The following CTNNBL1 variants were observed in gnomAD, a reference collection of about 807,000 sequenced individuals.
The protein encoded by CTNNBL1 is beta-catenin-like protein 1.
Under a neutral mutation model 72.7 loss-of-function variants are expected in CTNNBL1, and 31 were observed. That is an observed-to-expected ratio of 0.43 (90% CI 0.32 to 0.58). CTNNBL1 has a LOEUF of 0.58. CTNNBL1 is among the 20% of genes least tolerant of loss of function. The pLI is 0.08. For synonymous variants in CTNNBL1, 240 were observed against 267.3 expected (o/e 0.90, Z 1.00); for missense variants, 534 against 725.1 (o/e 0.74, Z 3.03).
At chr20:37,763,157 A>G (rs2122656979) in intron 5 of CTNNBL1, among the ~76,000 whole-genome samples, 1 of 152,334 alleles carries the variant, frequency 6.6e-6, no homozygotes, top group Non-Finnish European at 1.5e-5. Context: ...GGGAGATTAT[A>G]AGTCAATCAG....
At chr20:37,782,015 T>C (rs952160498) in intron 10 of CTNNBL1, among the ~76,000 whole-genome samples, 1 of 152,194 alleles carries the variant, frequency 6.6e-6, no homozygotes, top group East Asian at 1.9e-4. Context: ...GTTTTTCATC[T>C]GAAAACCGGC....
intron 4 of CTNNBL1, among the ~76,000 whole-genome samples, chr20:37,754,427 TC>T (rs2073346529): frequency 6.6e-6 from 1 of 151,974 alleles, no homozygotes; most frequent in Admixed American, 6.6e-5. Flanking sequence ...AGCCCAGTTG[TC>T]CTGTAGACAT....
At chr20:37,726,582 C>G (rs144594065) in intron 1 of CTNNBL1, among the ~76,000 whole-genome samples, 428 of 152,256 alleles carry the variant, frequency 2.8e-3, no homozygotes, top group Non-Finnish European at 4.5e-3. Context: ...TGTTTGATAT[C>G]TAGGAAACAG....
At chr20:37,838,820 G>A (rs147932222) in intron 11 of CTNNBL1, among the ~76,000 whole-genome samples, 120 of 152,302 alleles carry the variant, frequency 7.9e-4, no homozygotes, top group African/African-American at 2.8e-3. Flanking sequence ...CTTAGAGGTT[G>A]AGGCTGCAGT....
At position 37,723,101 on chromosome 20, in the gene CTNNBL1, C is replaced by T. The variant is rs73906131; in HGVS notation, c.31-9778C>T. On this transcript the variant is annotated intron_variant, in intron 1 of 15. Coordinates refer to ENST00000361383, the MANE Select transcript of CTNNBL1 (RefSeq NM_030877.5). ...GATGTAGCTGTAGAATCAATCAGAGCAGATGTCAAAGTAAACCATGGACAT... is the reference window on the plus strand; with the variant it reads ...GATGTAGCTGTAGAATCAATCAGAGTAGATGTCAAAGTAAACCATGGACAT... Among the ~76,000 whole-genome samples the T allele has an allele frequency of 8.3e-3, 1,261 of 152,258 alleles. 12 individuals are homozygous for T. Among genetic ancestry groups the T allele is most frequent in the African/African-American group, 0.029 (1,218 of 41,544 alleles).
intron 1 of CTNNBL1, 92 bp downstream of exon 1, chr20:37,694,244 C>A: frequency 8.5e-7 from 1 of 1,180,108 alleles, no homozygotes; most frequent in South Asian, 1.7e-5. Flanking sequence ...CCTCTCGCCT[C>A]ACTCCCGGGC....
At chr20:37,817,457 T>C (rs1169040672) in intron 11 of CTNNBL1, among the ~76,000 whole-genome samples, 1 of 152,242 alleles carries the variant, frequency 6.6e-6, no homozygotes, top group Non-Finnish European at 1.5e-5. Context: ...TAGATGTGTT[T>C]TTCTAAGCTA....
intron 7 of CTNNBL1, among the ~76,000 whole-genome samples, chr20:37,770,084 T>C (rs887004046): frequency 2.0e-5 from 3 of 152,236 alleles, no homozygotes; most frequent in African/African-American, 7.2e-5. Context: ...CAGTAAACTC[T>C]AACTCCCTCC....
At chr20:37,736,031 T>A (rs1377961379) in intron 2 of CTNNBL1, among the ~76,000 whole-genome samples, 1 of 152,120 alleles carries the variant, frequency 6.6e-6, no homozygotes, top group Non-Finnish European at 1.5e-5. Flanking sequence ...AAAAAATGAT[T>A]TAGTTTTCAA....
chr20:37,869,658 T>C (rs900987458), intron 15 of CTNNBL1, among the ~76,000 whole-genome samples: 1 of 152,048 alleles, frequency 6.6e-6, no homozygotes, highest in Non-Finnish European at 1.5e-5. Flanking sequence ...GAGTGAGAGG[T>C]GACCAGGCAG....
At chr20:37,746,755 GC>G (rs2073268923) in intron 4 of CTNNBL1, 148 bp downstream of exon 4, 1 of 1,074,202 alleles carries the variant, frequency 9.3e-7, no homozygotes, top group African/African-American at 1.6e-5. Context: ...AACACACAAT[GC>G]TTTTTACTCA....
chr20:37,763,497 T>C (rs1261064507), intron 5 of CTNNBL1, among the ~76,000 whole-genome samples: 1 of 152,196 alleles, frequency 6.6e-6, no homozygotes, highest in Non-Finnish European at 1.5e-5. Flanking sequence ...TATCACAAAT[T>C]AGTCAATAAT....
Position 37,815,076 on chromosome 20 carries a change from AGTGT to A in CTNNBL1, c.1213+12055_1213+12058del, listed in dbSNP as rs11474436. 1.1e-3 allele frequency among the ~76,000 whole-genome samples: 161 copies of A among 147,390 alleles called. 2 individuals carry two copies. Among genetic ancestry groups the A allele is most frequent in the African/African-American group, 2.6e-3 (102 of 39,716 alleles). The stretch of plus-strand genomic sequence containing the variant: ...CAAACACTATGTTAGGGACTCTGTG[AGTGT>A]GTGTGTGTGTGTGTGTGTGTGTGTG... On this transcript the variant is annotated intron_variant, in intron 11 of 15. Coordinates refer to ENST00000361383, the MANE Select transcript of CTNNBL1 (RefSeq NM_030877.5).
chr20:37,813,809 A>G (rs1361083069), intron 11 of CTNNBL1, among the ~76,000 whole-genome samples: 1 of 152,212 alleles, frequency 6.6e-6, no homozygotes, highest in Non-Finnish European at 1.5e-5. Flanking sequence ...AGACTCCTTT[A>G]GTTATTTCTC....
chr20:37,804,001 A>G (rs1467313375), intron 11 of CTNNBL1, among the ~76,000 whole-genome samples: 1 of 152,014 alleles, frequency 6.6e-6, no homozygotes, highest in Non-Finnish European at 1.5e-5. Context: ...CCCAACTTGG[A>G]GTGGCTAAAG....
intron 10 of CTNNBL1, among the ~76,000 whole-genome samples, chr20:37,790,810 C>T (rs757694448): frequency 2.2e-4 from 34 of 152,128 alleles, no homozygotes; most frequent in African/African-American, 7.2e-5. Flanking sequence ...TACAATTTGG[C>T]GAATTTTGCA....
At chr20:37,857,804 C>A (rs1160861139) in intron 13 of CTNNBL1, among the ~76,000 whole-genome samples, 2 of 151,662 alleles carry the variant, frequency 1.3e-5, no homozygotes, top group African/African-American at 2.4e-5. Context: ...CCATCAGAAG[C>A]ATGTATTGAG....
chr20:37,759,649 T>G (rs1225046195), intron 5 of CTNNBL1, among the ~76,000 whole-genome samples: 1 of 152,202 alleles, frequency 6.6e-6, no homozygotes, highest in African/African-American at 2.4e-5. Flanking sequence ...TTATATTAGT[T>G]TAAGATTTTG....
intron 4 of CTNNBL1, among the ~76,000 whole-genome samples, chr20:37,756,022 A>G (rs1344774679): frequency 2.6e-5 from 4 of 151,980 alleles, no homozygotes; most frequent in African/African-American, 9.7e-5. Context: ...TTCTCTTCAA[A>G]TGCCTTTGTA....
Sources: allele counts gnomAD v4.1 joint callset (sites outside exome capture counted in the v4.1 genomes callset), GRCh38; gene constraint gnomAD v4.1.1; transcripts MANE v1.5; gene names NCBI Gene and HGNC (gene_info 2026-07-23, HGNC 2026-07-21).